Variants in ACSS3 observed in about 807,000 individuals in gnomAD.
ACSS3 encodes acyl-CoA synthetase short chain family member 3, also known as acyl-CoA synthetase short-chain family member 3, mitochondrial.
In ACSS3, 64 loss-of-function variants were observed where a neutral mutation model predicts 84.2. The ratio of observed to expected loss-of-function variants is 0.76; its 90% CI spans 0.62 to 0.94. ACSS3 has a LOEUF of 0.94. ACSS3 is among the 40% of genes least tolerant of loss of function. ACSS3 has a pLI of 0.00. For synonymous variants in ACSS3, 317 were observed against 310.1 expected (o/e 1.02, Z -0.23); for missense variants, 815 against 867.6 (o/e 0.94, Z 0.76).
intron 2 of ACSS3, among the ~76,000 whole-genome samples, chr12:81,114,250 A>G (rs1341645376): frequency 6.6e-6 from 1 of 152,126 alleles, no homozygotes; most frequent in Non-Finnish European, 1.5e-5. Context: ...TATCTTAACT[A>G]AAGGTAATTT....
At chr12:81,174,233 G>A (rs577894795) in intron 7 of ACSS3, among the ~76,000 whole-genome samples, 2 of 152,236 alleles carry the variant, frequency 1.3e-5, no homozygotes, top group African/African-American at 4.8e-5. Context: ...CATATACAAT[G>A]TTATTTTGAG....
At position 81,139,081 on chromosome 12, in the gene ACSS3, C is replaced by A. The variant is rs896342335; in HGVS notation, c.646-50C>A. 1.9e-6 allele frequency: 3 copies of A among 1,564,712 alleles called. 1 individual carries two copies. Among genetic ancestry groups the A allele is most frequent in the South Asian group, 2.3e-5 (2 of 87,338 alleles). On this transcript the variant is annotated intron_variant, in intron 3 of 15. Coordinates refer to ENST00000548058, the MANE Select transcript of ACSS3 (RefSeq NM_024560.4). ...TCTGCAACTAAAATATTGTGATTAC[C>A]TAATTAACATTGTTAAAGCTTTCTC...
intron 13 of ACSS3, among the ~76,000 whole-genome samples, chr12:81,246,318 T>C (rs1427713197): frequency 1.3e-5 from 2 of 152,186 alleles, no homozygotes; most frequent in African/African-American, 2.4e-5. Flanking sequence ...TTCTTCGTTG[T>C]CACTTATCTG....
intron 7 of ACSS3, among the ~76,000 whole-genome samples, chr12:81,157,201 T>A (rs1886919183): frequency 6.6e-6 from 1 of 152,212 alleles, no homozygotes; most frequent in Non-Finnish European, 1.5e-5. Context: ...GCTGCTTCAA[T>A]ATCTGAAAAT....
intron 7 of ACSS3, among the ~76,000 whole-genome samples, chr12:81,162,487 A>G (rs972918956): frequency 2.6e-5 from 4 of 152,034 alleles, no homozygotes; most frequent in African/African-American, 9.7e-5. Context: ...CAGAAGGGAG[A>G]AAGTGCATGC....
In ACSS3 at chr12:81,084,452, A is replaced by T. The variant is rs184694944; in HGVS notation, c.311+6021A>T. On this transcript the variant is annotated intron_variant, in intron 1 of 15. Transcript: ENST00000548058. ...GATGCAGGGAAGTAAAGACATGGTA[A>T]CTGTAAGAATCTGACTTAAATGTCC... 5.3e-3 allele frequency among the ~76,000 whole-genome samples: 804 copies of T among 152,328 alleles called. 3 individuals are homozygous for T. Among genetic ancestry groups the T allele is most frequent in the Admixed American group, 0.011 (169 of 15,304 alleles).
intron 5 of ACSS3, among the ~76,000 whole-genome samples, chr12:81,150,281 T>G (rs181894012): frequency 4.2e-4 from 64 of 152,310 alleles, no homozygotes; most frequent in Admixed American, 1.8e-3. Flanking sequence ...ATTACTGATA[T>G]TAAGTATCAC....
intron 11 of ACSS3, among the ~76,000 whole-genome samples, chr12:81,230,029 C>A (rs1201959199): frequency 1.3e-5 from 2 of 151,830 alleles, no homozygotes; most frequent in East Asian, 3.9e-4. Context: ...ACCCGAAAAT[C>A]CTGCTTGTGG....
At chr12:81,109,750 A>C in intron 2 of ACSS3, 46 bp downstream of exon 2, 1 of 1,404,146 alleles carries the variant, frequency 7.1e-7, no homozygotes, top group Non-Finnish European at 9.5e-7. Flanking sequence ...TCATATAGAA[A>C]TTACTTAAAT....
At chr12:81,206,587 G>C (rs762716101) in intron 9 of ACSS3, among the ~76,000 whole-genome samples, 25 of 152,054 alleles carry the variant, frequency 1.6e-4, no homozygotes, top group Non-Finnish European at 3.7e-4. Context: ...TCTCAGCAAC[G>C]TGTAACTAGA....
chr12:81,192,740 G>A (rs1327509559), intron 8 of ACSS3, among the ~76,000 whole-genome samples: 1 of 152,136 alleles, frequency 6.6e-6, no homozygotes, highest in Non-Finnish European at 1.5e-5. Context: ...CTGTCAGTCA[G>A]CCACATAGTT....
intron 12 of ACSS3, among the ~76,000 whole-genome samples, chr12:81,231,424 A>G (rs2033462183): frequency 6.6e-6 from 1 of 151,830 alleles, no homozygotes; most frequent in Admixed American, 6.6e-5. Context: ...TTGTTACATA[A>G]AAATGTTTTT....
chr12:81,123,604 A>AC (rs988271378), intron 2 of ACSS3, among the ~76,000 whole-genome samples: 1 of 150,236 alleles, frequency 6.7e-6, no homozygotes, highest in African/African-American at 2.5e-5. Flanking sequence ...TTCAGTTCTC[A>AC]CCCCCCTCTC....
chr12:81,233,311 G>A lies in ACSS3; in HGVS notation c.1597-38G>A. On this transcript the variant is annotated intron_variant, in intron 12 of 15. Coordinates refer to ENST00000548058, the MANE Select transcript of ACSS3 (RefSeq NM_024560.4). ...TTTAAAATGATTACATTAGTTAACA[G>A]TACATGCTAATCAAATGTTATTTTT... The A allele has an allele frequency of 3.1e-6, 5 of 1,597,882 alleles. No homozygotes were observed. The South Asian group carries it at 5.5e-5, about 18-fold the overall frequency.
At chr12:81,108,925 A>C in intron 1 of ACSS3, among the ~76,000 whole-genome samples, 1 of 152,168 alleles carries the variant, frequency 6.6e-6, no homozygotes, top group East Asian at 1.9e-4. Flanking sequence ...TCGAAGGAAA[A>C]CATTGATCGA....
intron 5 of ACSS3, among the ~76,000 whole-genome samples, chr12:81,145,067 A>ATTTT (rs35753293): frequency 3.7e-4 from 37 of 100,866 alleles, no homozygotes; most frequent in Non-Finnish European, 4.2e-4. Flanking sequence ...CGCCTGGCTA[A>ATTTT]TTTTTTTTTT....
intron 9 of ACSS3, among the ~76,000 whole-genome samples, chr12:81,216,044 G>C (rs1403487242): frequency 6.6e-6 from 1 of 151,986 alleles, no homozygotes; most frequent in Non-Finnish European, 1.5e-5. Flanking sequence ...AAAAACTATT[G>C]CCAAATTTAG....
intron 7 of ACSS3, among the ~76,000 whole-genome samples, chr12:81,156,854 A>G (rs1886900633): frequency 6.6e-6 from 1 of 152,176 alleles, no homozygotes; most frequent in South Asian, 2.1e-4. Context: ...GGAAAATTCT[A>G]CCAATGTTTA....
At chr12:81,097,832 C>G (rs1478899363) in intron 1 of ACSS3, among the ~76,000 whole-genome samples, 3 of 152,178 alleles carry the variant, frequency 2.0e-5, no homozygotes, top group Admixed American at 2.0e-4. Context: ...CAGTGTGTCA[C>G]TCATTGTGTG....
Sources: allele counts gnomAD v4.1 joint callset (sites outside exome capture counted in the v4.1 genomes callset), GRCh38; gene constraint gnomAD v4.1.1; transcripts MANE v1.5; gene names NCBI Gene and HGNC (gene_info 2026-07-23, HGNC 2026-07-21).